COL11A1: variants seen among roughly 807,000 people sequenced by gnomAD.
COL11A1 encodes collagen alpha-1(XI) chain.
Under a neutral mutation model 265.2 loss-of-function variants are expected in COL11A1, and 74 were observed. The observed-to-expected ratio is 0.28, with a 90% CI of 0.23 to 0.34. COL11A1 has a LOEUF of 0.34. Ranked by LOEUF, COL11A1 falls within the 10% of genes least tolerant of loss-of-function variation. COL11A1 has a pLI of 1.00. For synonymous variants in COL11A1, 816 were observed against 727.6 expected, an observed-to-expected ratio of 1.12 and a Z score of -1.96; for missense variants, 2,165 against 2,263.6, an observed-to-expected ratio of 0.96 and a Z score of 0.88.
At chr1:103,058,119 T>G (rs1670380970) in intron 4 of COL11A1, among the ~76,000 whole-genome samples, 1 of 152,250 alleles carries the variant, frequency 6.6e-6, no homozygotes, top group Non-Finnish European at 1.5e-5. Context: ...CTAGATCTTC[T>G]GGATAATTGT....
chr1:102,887,966 C>T (rs1431933682), intron 62 of COL11A1, among the ~76,000 whole-genome samples: 1 of 152,124 alleles, frequency 6.6e-6, no homozygotes, highest in Non-Finnish European at 1.5e-5. Context: ...CTTCTAGCCT[C>T]CAACACTGGG....
At chr1:102,976,289 C>T (rs373062643) in intron 35 of COL11A1, among the ~76,000 whole-genome samples, 136 of 58,588 alleles carry the variant, frequency 2.3e-3, no homozygotes, top group East Asian at 6.4e-3. Context: ...AAAACGTTGG[C>T]TTTTTTTTTT....
In COL11A1 at chr1:103,105,023, T is replaced by A. The variant is rs558128460; in HGVS notation, c.106+3050A>T. Among the ~76,000 whole-genome samples the A allele has an allele frequency of 3.3e-5, 5 of 152,292 alleles. No individual in the cohort carries two copies. In the East Asian group the frequency reaches 7.7e-4, roughly 24 times the overall value. ...GATCAGCCTTTTACAAGATACAGTA[T>A]TGGCTTAACTGCCAAAGGTTAAATG... On this transcript the variant is annotated intron_variant, in intron 1 of 66. Coordinates refer to ENST00000370096, the MANE Select transcript of COL11A1 (RefSeq NM_001854.4).
chr1:103,090,975 C>T (rs567027604), intron 1 of COL11A1, among the ~76,000 whole-genome samples: 2 of 152,198 alleles, frequency 1.3e-5, no homozygotes, highest in African/African-American at 4.8e-5. Flanking sequence ...ATGCAAACAA[C>T]CTCAGGAGGT....
At position 102,935,071 on chromosome 1, in the gene COL11A1, G is replaced by T; in HGVS notation, c.3481C>A (p.Pro1161Thr). 1 of 1,614,040 alleles carries T rather than the reference G, an allele frequency of 6.2e-7. No individual in the cohort carries two copies. Among genetic ancestry groups the T allele is most frequent in the Non-Finnish European group, 8.5e-7 (1 of 1,179,968 alleles). Residue 1161 changes from proline to threonine, a missense_variant, in exon 45 of 67, where the codon CCT becomes ACT. Transcript: ENST00000370096. ...TGTGGAATACTCACAGCAATTCCAGGGGCACCAACTGGTCCTTGAAGACCT... is the reference window on the plus strand; with the variant it reads ...TGTGGAATACTCACAGCAATTCCAGTGGCACCAACTGGTCCTTGAAGACCT... Reference protein sequence around the residue: ...PPGLQGPVGAPGIAGGDGEPG... With the variant: ...PPGLQGPVGATGIAGGDGEPG...
At chr1:102,922,460 G>T (rs1656094087) in intron 47 of COL11A1, among the ~76,000 whole-genome samples, 1 of 152,100 alleles carries the variant, frequency 6.6e-6, no homozygotes, top group Admixed American at 6.5e-5. Flanking sequence ...GCAGTGGCGC[G>T]ATCTCGGCTC....
At chr1:103,049,529 C>A (rs894257275) in intron 4 of COL11A1, among the ~76,000 whole-genome samples, 7 of 152,148 alleles carry the variant, frequency 4.6e-5, no homozygotes, top group Non-Finnish European at 8.8e-5. Context: ...ATACAGCACA[C>A]TGATGGGTCT....
At chr1:102,965,463 G>A (rs767136781) in intron 38 of COL11A1, 24 bp downstream of exon 38, 3 of 1,605,794 alleles carry the variant, frequency 1.9e-6, no homozygotes, top group Non-Finnish European at 2.6e-6. Flanking sequence ...AATCTTGCTT[G>A]GGAAATAAAG....
At position 103,062,362 on chromosome 1, in the gene COL11A1, G is replaced by A. The variant is rs542678120; in HGVS notation, c.651+12256C>T. On this transcript the variant is annotated intron_variant, in intron 4 of 66. Coordinates refer to ENST00000370096, the MANE Select transcript of COL11A1 (RefSeq NM_001854.4). ...CATCACCCTAATATCAAAACCAGGT[G>A]AAAACATTAAAAGAAAATAATACTA... is the stretch of plus-strand genomic sequence containing the variant. Among the ~76,000 whole-genome samples, 22 of 151,880 alleles carry A rather than the reference G, an allele frequency of 1.4e-4. 1 individual carries two copies. The highest frequency in any genetic ancestry group is 5.1e-4 in the African/African-American group (21 of 41,466).
chr1:103,095,633 CA>C (rs1259100202), intron 1 of COL11A1, among the ~76,000 whole-genome samples: 1 of 151,730 alleles, frequency 6.6e-6, no homozygotes, highest in Admixed American at 6.6e-5. Flanking sequence ...GATCTTTTTT[CA>C]AAAAATTATC....
chr1:103,046,053 A>G (rs1361984321), intron 4 of COL11A1, among the ~76,000 whole-genome samples: 2 of 151,502 alleles, frequency 1.3e-5, no homozygotes, highest in African/African-American at 4.9e-5. Context: ...AGTCTTTGCT[A>G]TTTTGAATAG....
At chr1:103,108,024 A>G (rs1420231342) in intron 1 of COL11A1, 49 bp downstream of exon 1, 5 of 1,342,524 alleles carry the variant, frequency 3.7e-6, no homozygotes, top group Non-Finnish European at 3.2e-6. Context: ...GCGCAGAAGC[A>G]GTAGGACCGA....
At chr1:103,066,364 T>C (rs534112426) in intron 4 of COL11A1, among the ~76,000 whole-genome samples, 12 of 151,882 alleles carry the variant, frequency 7.9e-5, no homozygotes, top group Admixed American at 2.0e-4. Flanking sequence ...AAGATCAGTA[T>C]GACAAGGAGA....
chr1:102,921,424 T>C (rs1291200567), intron 48 of COL11A1, 94 bp downstream of exon 48: 12 of 1,029,138 alleles, frequency 1.2e-5, no homozygotes, highest in Non-Finnish European at 1.8e-5. Flanking sequence ...TAAACAATAG[T>C]TTAATATTGT....
Position 102,886,858 on chromosome 1 carries a change from G to C in COL11A1, c.4807C>G (p.Pro1603Ala), listed in dbSNP as rs1401981859. 2 of 1,613,912 alleles carry C rather than the reference G, an allele frequency of 1.2e-6. No individual in the cohort carries two copies. Among genetic ancestry groups the C allele is most frequent in the East Asian group, 4.5e-5 (2 of 44,870 alleles). ...MKFPMGTQTN[P>A]ARTCKDLQLS... ...TGCAGGTCTTTACAAGTTCGGGCTG[G>C]ATTGGTCTGAGTACCCATTGGAAAT... The change falls in exon 63 of 67, where the codon CCA (proline) becomes GCA (alanine). Residue 1603 changes from proline to alanine, a missense_variant. Transcript: ENST00000370096.
chr1:102,912,078 C>A, intron 54 of COL11A1, 81 bp downstream of exon 54: 1 of 1,149,140 alleles, frequency 8.7e-7, no homozygotes, highest in East Asian at 2.5e-5. Context: ...AACATGCTGC[C>A]TGCAGCTTAC....
At position 102,940,576 on chromosome 1, in the gene COL11A1, C is replaced by T. The variant is rs986251371; in HGVS notation, c.3277-142G>A. The T allele has an allele frequency of 4.6e-6, 3 of 655,240 alleles. No individual in the cohort carries two copies. In the African/African-American group the frequency reaches 5.5e-5, roughly 12 times the overall value. 40.6% of individuals were successfully genotyped at this position (655,240 alleles called of 1,614,324 possible). On this transcript the variant is annotated intron_variant, in intron 42 of 66. Coordinates refer to ENST00000370096, the MANE Select transcript of COL11A1 (RefSeq NM_001854.4). ...TTAAAGAATAAATGATACATGTTCC[C>T]TACCTTCATTTGTGACTAAGAATAC...
chr1:103,091,844 G>GA (rs934084844), intron 1 of COL11A1, among the ~76,000 whole-genome samples: 1 of 151,984 alleles, frequency 6.6e-6, no homozygotes, highest in African/African-American at 2.4e-5. Flanking sequence ...AACTGAGAAT[G>GA]ACATAAGAAA....
intron 1 of COL11A1, among the ~76,000 whole-genome samples, chr1:103,093,988 G>A (rs1198258463): frequency 1.3e-5 from 2 of 152,072 alleles, no homozygotes; most frequent in African/African-American, 4.8e-5. Context: ...TGTCATCATT[G>A]TTACAGAGAA....
Sources: gnomAD v4.1 joint callset for allele counts (sites outside exome capture counted in the v4.1 genomes callset) on GRCh38, gnomAD v4.1.1 for gene constraint, MANE v1.5 for transcripts, NCBI Gene and HGNC (gene_info 2026-07-23, HGNC 2026-07-21) for gene names.